TRMT11: variants seen among roughly 807,000 people sequenced by gnomAD.
TRMT11 encodes tRNA (guanine(10)-N(2))-methyltransferase TRMT11.
Under a neutral mutation model 62.8 loss-of-function variants are expected in TRMT11, and 53 were observed. The observed-to-expected ratio is 0.84, with a 90% CI of 0.68 to 1.06. TRMT11 has a LOEUF of 1.06. Ranked by LOEUF, TRMT11 falls within the 50% of genes least tolerant of loss-of-function variation. The pLI is 0.00. For synonymous variants in TRMT11, 188 were observed against 190.3 expected (o/e 0.99, Z 0.10); for missense variants, 556 against 553.4 (o/e 1.00, Z -0.05).
At chr6:126,171,639 G>A (rs1042799575) in intron 21 of TRMT11, among the ~76,000 whole-genome samples, 8 of 152,136 alleles carry the variant, frequency 5.3e-5, no homozygotes, top group Non-Finnish European at 1.5e-5. Flanking sequence ...CAAGAGTGGA[G>A]GGTGTGACAA....
intron 1 of TRMT11, among the ~76,000 whole-genome samples, chr6:126,178,921 G>T (rs925984744): frequency 2.0e-5 from 3 of 152,022 alleles, no homozygotes; most frequent in African/African-American, 7.2e-5. Flanking sequence ...AAACTTCTCT[G>T]TTTAGAATTC....
intron 21 of TRMT11, among the ~76,000 whole-genome samples, chr6:126,153,116 G>T (rs1339540286): frequency 6.6e-6 from 1 of 152,176 alleles, no homozygotes; most frequent in Non-Finnish European, 1.5e-5. Context: ...AATCTATGCG[G>T]TTGTTCAATA....
intron 1 of TRMT11, among the ~76,000 whole-genome samples, chr6:126,197,022 G>T (rs997587029): frequency 6.6e-6 from 1 of 152,166 alleles, no homozygotes; most frequent in Non-Finnish European, 1.5e-5. Flanking sequence ...AGTTCACTGT[G>T]TAAACTATTT....
chr6:126,164,066 A>T (rs1778230644), intron 21 of TRMT11, among the ~76,000 whole-genome samples: 1 of 152,140 alleles, frequency 6.6e-6, no homozygotes, highest in African/African-American at 2.4e-5. Context: ...TTGTGATGTT[A>T]GGGTGTTGCT....
chr6:126,145,582 G>A (rs1433735468), intron 21 of TRMT11, among the ~76,000 whole-genome samples: 2 of 152,104 alleles, frequency 1.3e-5, no homozygotes, highest in Non-Finnish European at 1.5e-5. Context: ...TTCCCAGAAG[G>A]CACTCCCCAG....
chr6:126,138,247 C>T (rs1188875864), intron 21 of TRMT11, among the ~76,000 whole-genome samples: 1 of 151,692 alleles, frequency 6.6e-6, no homozygotes, highest in Non-Finnish European at 1.5e-5. Context: ...TGTGATATAG[C>T]AATAAAAATA....
At chr6:126,101,620 C>T (rs2128178765) in intron 17 of TRMT11, among the ~76,000 whole-genome samples, 1 of 152,284 alleles carries the variant, frequency 6.6e-6, no homozygotes, top group South Asian at 2.1e-4. Flanking sequence ...AGGTCTTTTT[C>T]ACTTATTTGA....
chr6:126,005,466 A>G (rs147236520), intron 7 of TRMT11, among the ~76,000 whole-genome samples: 5 of 152,162 alleles, frequency 3.3e-5, no homozygotes, highest in East Asian at 1.9e-4. Context: ...GTGAGGCAAT[A>G]TGTGTATATC....
At chr6:126,171,693 G>A (rs531369494) in intron 21 of TRMT11, among the ~76,000 whole-genome samples, 3 of 152,172 alleles carry the variant, frequency 2.0e-5, no homozygotes, top group Admixed American at 6.5e-5. Flanking sequence ...TTTAAAATCG[G>A]ATCTTGAGAA....
At chr6:126,168,642 C>G (rs1370860345) in intron 21 of TRMT11, among the ~76,000 whole-genome samples, 1 of 152,162 alleles carries the variant, frequency 6.6e-6, no homozygotes, top group African/African-American at 2.4e-5. Context: ...CCTCAGCCTC[C>G]CAAGTAGCTG....
downstream of TRMT11, among the ~76,000 whole-genome samples, chr6:126,208,234 T>G (rs1332188414): frequency 2.0e-5 from 3 of 152,180 alleles, no homozygotes; most frequent in Non-Finnish European, 4.4e-5. Context: ...GCTTCTCATA[T>G]ACGTTTCTAA....
At chr6:126,151,948 C>CTTTCTTTCTT (rs1778061988) in intron 21 of TRMT11, among the ~76,000 whole-genome samples, 2 of 71,408 alleles carry the variant, frequency 2.8e-5, no homozygotes, top group African/African-American at 5.8e-5. Context: ...TCTTTCTTTT[C>CTTTCTTTCTT]TTTCTTTCTT....
intron 17 of TRMT11, among the ~76,000 whole-genome samples, chr6:126,093,631 A>ATATATTTTTTTTTTTTTTTTT (rs1554236842): frequency 1.0e-5 from 1 of 98,014 alleles, no homozygotes; most frequent in African/African-American, 4.4e-5. Flanking sequence ...ATATATATAT[A>ATATATTTTTTTTTTTTTTTTT]TTTTCCCCCA....
chr6:126,219,903 G>A, the TRMT11 span, among the ~76,000 whole-genome samples: 1 of 152,142 alleles, frequency 6.6e-6, no homozygotes, highest in Admixed American at 6.5e-5. Flanking sequence ...ATTTTATTCT[G>A]TAAGTCAAGA....
upstream of TRMT11, among the ~76,000 whole-genome samples, chr6:126,176,230 C>G (rs1052393192): frequency 6.6e-5 from 10 of 152,204 alleles, no homozygotes; most frequent in Non-Finnish European, 1.3e-4. Context: ...CCTGAGCTGG[C>G]CAGCCCTGTA....
intron 17 of TRMT11, among the ~76,000 whole-genome samples, chr6:126,063,224 T>G (rs1304731357): frequency 6.6e-6 from 1 of 152,206 alleles, no homozygotes; most frequent in Admixed American, 6.5e-5. Flanking sequence ...ACATTTTGCT[T>G]TTATAACATG....
At chr6:126,201,198 G>A (rs573092327) in intron 3 of TRMT11, among the ~76,000 whole-genome samples, 2 of 152,300 alleles carry the variant, frequency 1.3e-5, no homozygotes, top group African/African-American at 4.8e-5. Flanking sequence ...AGCCATGATA[G>A]TGCTTCGGAA....
At chr6:126,172,729 T>C (rs1191221086), upstream of TRMT11, among the ~76,000 whole-genome samples, 1 of 152,208 alleles carries the variant, frequency 6.6e-6, no homozygotes, top group Non-Finnish European at 1.5e-5. Flanking sequence ...CATTCTTTCA[T>C]GGTTCTAGGC....
At chr6:126,207,789 CATAAA>C (rs977066334), downstream of TRMT11, among the ~76,000 whole-genome samples, 10 of 152,132 alleles carry the variant, frequency 6.6e-5, no homozygotes, top group African/African-American at 2.4e-4. Context: ...AGGCTAAAAA[CATAAA>C]ATATAATAAT....
Sources: allele counts gnomAD v4.1 joint callset (sites outside exome capture counted in the v4.1 genomes callset), GRCh38; gene constraint gnomAD v4.1.1; transcripts MANE v1.5; gene names NCBI Gene and HGNC (gene_info 2026-07-23, HGNC 2026-07-21).